The following CYB5R3 variants were observed in gnomAD, a reference collection of about 807,000 sequenced individuals.
The protein encoded by CYB5R3 is NADH-cytochrome b5 reductase 3.
CYB5R3 carries 28 observed loss-of-function variants against 36.5 expected under a neutral mutation model. The observed-to-expected ratio is 0.77, with a 90% CI of 0.57 to 1.05. The LOEUF (loss-of-function observed/expected upper bound fraction) is 1.05, where lower values mean the gene tolerates loss of function less well. Ranked by LOEUF, CYB5R3 falls within the 50% of genes least tolerant of loss-of-function variation. The pLI is 0.00. For synonymous variants in CYB5R3, 181 were observed against 159.8 expected, an observed-to-expected ratio of 1.13 and a Z score of -1.00; for missense variants, 474 against 408.9, an observed-to-expected ratio of 1.16 and a Z score of -1.37.
At chr22:42,635,560 G>T (rs994467545) in intron 2 of CYB5R3, among the ~76,000 whole-genome samples, 1 of 152,146 alleles carries the variant, frequency 6.6e-6, no homozygotes, top group Non-Finnish European at 1.5e-5. Flanking sequence ...TTTTCATTTT[G>T]TATTTTTTTG....
At chr22:42,648,100 G>C (rs961872286) in intron 1 of CYB5R3, among the ~76,000 whole-genome samples, 3 of 152,188 alleles carry the variant, frequency 2.0e-5, no homozygotes, top group Non-Finnish European at 2.9e-5. Context: ...ATGCCCACAG[G>C]TTCACCCTGG....
chr22:42,625,513 T>G (rs145451204), intron 7 of CYB5R3, among the ~76,000 whole-genome samples: 173 of 151,984 alleles, frequency 1.1e-3, no homozygotes, highest in African/African-American at 4.1e-3. Context: ...CCGTCTCAAT[T>G]TTTTTAAAAA....
Position 42,618,214 on chromosome 22 carries a change from C to G in CYB5R3, c.*1559G>C, listed in dbSNP as rs950972380. The G allele has an allele frequency of 6.6e-6, 1 of 152,224 alleles. No homozygotes were observed. Among genetic ancestry groups the G allele is most frequent in the Non-Finnish European group, 1.5e-5 (1 of 68,068 alleles). 9.4% of individuals were successfully genotyped at this position (152,224 alleles called of 1,614,324 possible). On this transcript the variant is annotated 3_prime_UTR_variant, in exon 9 of 9. Coordinates refer to ENST00000352397, the MANE Select transcript of CYB5R3 (RefSeq NM_000398.7). ...TCCTGTGTATACTTCTCTGCACTTT[C>G]CAAATTTTCTACCACAAAGATACAT...
At chr22:42,633,982 T>G (rs1471082568) in intron 2 of CYB5R3, among the ~76,000 whole-genome samples, 3 of 151,962 alleles carry the variant, frequency 2.0e-5, no homozygotes, top group African/African-American at 7.3e-5. Context: ...AAAATACCGT[T>G]AAAAAACAGG....
intron 1 of CYB5R3, chr22:42,644,651 T>A: frequency 7.0e-7 from 1 of 1,425,760 alleles, no homozygotes; most frequent in East Asian, 2.5e-5. Flanking sequence ...TCCTCTGCTA[T>A]CGACCTCTCC....
intron 7 of CYB5R3, among the ~76,000 whole-genome samples, chr22:42,625,501 T>C (rs1458431359): frequency 6.6e-6 from 1 of 152,002 alleles, no homozygotes; most frequent in Non-Finnish European, 1.5e-5. Flanking sequence ...AAGAGTGAAA[T>C]TCCGTCTCAA....
intron 7 of CYB5R3, among the ~76,000 whole-genome samples, chr22:42,624,897 G>A (rs5996196): frequency 0.04 from 6,032 of 152,214 alleles, 399 homozygotes; most frequent in African/African-American, 0.14. Context: ...GCCCAAGGGT[G>A]CCTGAATACG....
Position 42,619,493 on chromosome 22 carries a change from G to T in CYB5R3, c.*280C>A, listed in dbSNP as rs1208719131. The T allele has an allele frequency of 5.9e-6, 3 of 509,424 alleles. No individual in the cohort carries two copies. The highest frequency in any genetic ancestry group is 1.1e-5 in the Non-Finnish European group (3 of 279,182). 31.6% of individuals were successfully genotyped at this position (509,424 alleles called of 1,614,324 possible). A position where few individuals can be genotyped will look rare whatever the true frequency, so the allele number is the denominator to read the frequency against. On this transcript the variant is annotated 3_prime_UTR_variant, in exon 9 of 9. Transcript: ENST00000352397. ...AGCCTTATAGTGTGTGTGGGGGGTG[G>T]ACGAGGGGTCATGAGGACAGGGATG... is the stretch of plus-strand genomic sequence containing the variant.
chr22:42,620,323 C>T (rs1275613869), intron 8 of CYB5R3, among the ~76,000 whole-genome samples: 1 of 152,108 alleles, frequency 6.6e-6, no homozygotes, highest in African/African-American at 2.4e-5. Flanking sequence ...CTCAAGATCA[C>T]ACAATGAGGC....
chr22:42,636,433 TG>T (rs1165761448), intron 2 of CYB5R3, among the ~76,000 whole-genome samples: 2 of 152,072 alleles, frequency 1.3e-5, no homozygotes, highest in African/African-American at 4.8e-5. Flanking sequence ...ACCCCATAAA[TG>T]GGGGATTGAA....
intron 4 of CYB5R3, among the ~76,000 whole-genome samples, chr22:42,630,606 T>C (rs900424070): frequency 7.2e-5 from 11 of 152,282 alleles, no homozygotes; most frequent in Middle Eastern, 3.4e-3. Flanking sequence ...ACCCCCTTCT[T>C]TGGCTTTTGT....
At chr22:42,628,473 A>T (rs561700736) in intron 4 of CYB5R3, among the ~76,000 whole-genome samples, 192 bp from the exon 5 acceptor site, 1 of 152,138 alleles carries the variant, frequency 6.6e-6, no homozygotes, top group South Asian at 2.1e-4. Context: ...CCGTCCTCCC[A>T]GGAGTCAGCC....
intron 2 of CYB5R3, among the ~76,000 whole-genome samples, chr22:42,636,253 G>A (rs13055499): frequency 3.3e-5 from 5 of 152,204 alleles, no homozygotes; most frequent in African/African-American, 1.2e-4. Context: ...ATGAAAGAAA[G>A]TAAGAATCAA....
intron 8 of CYB5R3, 50 bp downstream of exon 8, chr22:42,623,739 C>G (rs990412802): frequency 6.7e-7 from 1 of 1,487,544 alleles, no homozygotes; most frequent in African/African-American, 1.4e-5. Context: ...CAAAGGTGAA[C>G]TGTGGGCTGG....
rs562063912 is a variant in CYB5R3 at position 42,640,777 on chromosome 22, G to A, written c.22-3931C>T. 2.1e-3 allele frequency among the ~76,000 whole-genome samples: 320 copies of A among 152,252 alleles called. 1 individual carries two copies. The highest frequency in any genetic ancestry group is 7.4e-3 in the African/African-American group (307 of 41,550). ...CTCCTCCTCAGCCTTCTCAACGTGA[G>A]AACAAGGATGAAGACCTTTATGATG... On this transcript the variant is annotated intron_variant, in intron 1 of 8. Coordinates refer to ENST00000352397, the MANE Select transcript of CYB5R3 (RefSeq NM_000398.7).
intron 7 of CYB5R3, among the ~76,000 whole-genome samples, chr22:42,625,483 TG>T (rs1434248205): frequency 6.6e-6 from 1 of 152,166 alleles, no homozygotes; most frequent in Admixed American, 6.5e-5. Context: ...CACTCCAGCC[TG>T]GGCAATAAGA....
At chr22:42,649,261 C>T in intron 1 of CYB5R3, 34 bp downstream of exon 1, 1 of 919,070 alleles carries the variant, frequency 1.1e-6, no homozygotes, top group Non-Finnish European at 1.3e-6. Flanking sequence ...TCCCTCGCGA[C>T]GCCCCGCGGC....
At chr22:42,623,758 A>G in intron 8 of CYB5R3, 31 bp downstream of exon 8, 2 of 1,565,226 alleles carry the variant, frequency 1.3e-6, no homozygotes, top group East Asian at 2.2e-5. Flanking sequence ...GGCACCTCCC[A>G]CCCACCCAGT....
At chr22:42,646,811 A>G (rs1486820901) in intron 1 of CYB5R3, 1 of 985,992 alleles carries the variant, frequency 1.0e-6, no homozygotes, top group Non-Finnish European at 1.2e-6. Context: ...GAACAGGTGG[A>G]CACAGAGCTG....
Sources: gnomAD v4.1 joint callset for allele counts (sites outside exome capture counted in the v4.1 genomes callset) on GRCh38, gnomAD v4.1.1 for gene constraint, MANE v1.5 for transcripts, NCBI Gene and HGNC (gene_info 2026-07-23, HGNC 2026-07-21) for gene names.